Variants in NCKAP5 observed in about 807,000 individuals in gnomAD.
The protein encoded by NCKAP5 is NCK associated protein 5.
In NCKAP5, 92 loss-of-function variants were observed where a neutral mutation model predicts 167.0. That is an observed-to-expected ratio of 0.55 (90% CI 0.47 to 0.66). The LOEUF (loss-of-function observed/expected upper bound fraction) is 0.66, where lower values mean the gene tolerates loss of function less well. Among genes scored for constraint, NCKAP5 ranks in the 30% least tolerant of loss-of-function variants. NCKAP5 has a pLI of 0.00. For missense variants in NCKAP5, 2,378 were observed against 2,315.0 expected, an observed-to-expected ratio of 1.03 and a Z score of -0.56; for synonymous variants, 891 against 877.4, an observed-to-expected ratio of 1.02 and a Z score of -0.27.
rs559384573 is a variant in NCKAP5 at position 133,261,735 on chromosome 2, C to A, written c.143+41302G>T. ...CTCATGAACTGACCTGTTTGTATCT[C>A]AAGGAAAGAATAGGTATCATCTTCC... On this transcript the variant is annotated intron_variant, in intron 4 of 19. Transcript: ENST00000409261. Among the ~76,000 whole-genome samples the A allele has an allele frequency of 2.0e-5, 3 of 152,298 alleles. No homozygotes were observed. The South Asian group carries it at 6.2e-4, about 32-fold the overall frequency.
intron 6 of NCKAP5, among the ~76,000 whole-genome samples, chr2:133,065,352 C>A (rs554778218): frequency 9.2e-5 from 14 of 152,192 alleles, no homozygotes; most frequent in Non-Finnish European, 1.3e-4. Context: ...GTTGGCCAGG[C>A]ATGGTGGCTT....
intron 11 of NCKAP5, among the ~76,000 whole-genome samples, chr2:132,806,061 A>G (rs1386836240): frequency 6.6e-6 from 1 of 152,138 alleles, no homozygotes; most frequent in African/African-American, 2.4e-5. Context: ...TTCATTTATA[A>G]TAACAGTCTC....
chr2:133,379,912 C>A (rs529281557), intron 3 of NCKAP5, among the ~76,000 whole-genome samples: 1 of 151,954 alleles, frequency 6.6e-6, no homozygotes, highest in African/African-American at 2.4e-5. Context: ...CCAGTGCAAC[C>A]GAAATACCAG....
intron 8 of NCKAP5, among the ~76,000 whole-genome samples, chr2:132,898,699 A>G (rs995559767): frequency 6.6e-6 from 1 of 152,256 alleles, no homozygotes; most frequent in African/African-American, 2.4e-5. Context: ...GAGCTCTTGG[A>G]TGGCAAGGTA....
chr2:133,591,273 C>T, the NCKAP5 span, among the ~76,000 whole-genome samples: 15 of 152,184 alleles, frequency 9.9e-5, no homozygotes, highest in Admixed American at 2.6e-4. Flanking sequence ...TGAAGTTGGG[C>T]CCATAAAGAA....
chr2:133,370,352 T>C (rs540033178), intron 3 of NCKAP5, among the ~76,000 whole-genome samples: 30 of 152,180 alleles, frequency 2.0e-4, no homozygotes, highest in Non-Finnish European at 3.7e-4. Context: ...TGAGTCTTCA[T>C]GTAAAAGTGG....
chr2:132,737,371 CA>C (rs1691624792), intron 16 of NCKAP5, among the ~76,000 whole-genome samples: 1 of 152,156 alleles, frequency 6.6e-6, no homozygotes, highest in African/African-American at 2.4e-5. Flanking sequence ...GGACTTTCTA[CA>C]AGGCTCTCCT....
intron 3 of NCKAP5, among the ~76,000 whole-genome samples, chr2:133,326,664 A>G (rs1682475626): frequency 1.3e-5 from 2 of 152,050 alleles, no homozygotes; most frequent in Non-Finnish European, 2.9e-5. Context: ...AAAGACTCCT[A>G]TCATTCCATA....
At chr2:133,331,169 T>C (rs1212506548) in intron 3 of NCKAP5, among the ~76,000 whole-genome samples, 2 of 152,212 alleles carry the variant, frequency 1.3e-5, no homozygotes, top group South Asian at 2.1e-4. Flanking sequence ...ATTCTTGTGC[T>C]GTGCTGATTA....
At chr2:133,193,526 C>G (rs1394956592) in intron 5 of NCKAP5, among the ~76,000 whole-genome samples, 1 of 152,034 alleles carries the variant, frequency 6.6e-6, no homozygotes, top group East Asian at 1.9e-4. Context: ...CAAGAAGACA[C>G]TTTCACTTTT....
intron 4 of NCKAP5, among the ~76,000 whole-genome samples, chr2:133,252,513 G>A (rs2088397089): frequency 2.0e-5 from 3 of 152,206 alleles, no homozygotes; most frequent in Non-Finnish European, 4.4e-5. Context: ...CAGCAGCACA[G>A]GGACTGTCAG....
intron 6 of NCKAP5, among the ~76,000 whole-genome samples, chr2:133,113,621 C>T (rs1366243434): frequency 1.3e-5 from 2 of 152,206 alleles, no homozygotes; most frequent in Non-Finnish European, 2.9e-5. Flanking sequence ...CTCCCCTCTG[C>T]CTCATGATGT....
intron 3 of NCKAP5, among the ~76,000 whole-genome samples, chr2:133,349,178 C>A (rs941642122): frequency 6.6e-6 from 1 of 152,224 alleles, no homozygotes; most frequent in South Asian, 2.1e-4. Flanking sequence ...TATATTCCCC[C>A]ATTCTGTAGC....
chr2:133,291,228 T>C (rs1454256671), intron 4 of NCKAP5, among the ~76,000 whole-genome samples: 1 of 152,184 alleles, frequency 6.6e-6, no homozygotes, highest in Non-Finnish European at 1.5e-5. Context: ...TGGGAAGACT[T>C]GGTCTTACAG....
chr2:132,909,008 C>T (rs889374268), intron 8 of NCKAP5, among the ~76,000 whole-genome samples: 2 of 152,158 alleles, frequency 1.3e-5, no homozygotes, highest in African/African-American at 4.8e-5. Context: ...GTGTGATCAA[C>T]TTATGGCAAT....
rs552424347 is a variant in NCKAP5, at chr2:133,176,792, GC to G, written c.207+36923del. 1.3e-3 allele frequency among the ~76,000 whole-genome samples: 204 copies of G among 152,162 alleles called. 2 individuals are homozygous for G. The highest frequency in any genetic ancestry group is 6.8e-3 in the Middle Eastern group (2 of 292). On this transcript the variant is annotated intron_variant, in intron 5 of 19. Transcript: ENST00000409261. ...ACTTTTTAAAAAATCTATAAACAAT[GC>G]CCAGTTTCAGTGTGGTTACAGTCTC...
At chr2:133,601,424 C>T in the NCKAP5 span, among the ~76,000 whole-genome samples, 1 of 152,176 alleles carries the variant, frequency 6.6e-6, no homozygotes, top group African/African-American at 2.4e-5. Context: ...ACACTGGTAA[C>T]CCAATTTTTT....
intron 3 of NCKAP5, among the ~76,000 whole-genome samples, chr2:133,352,219 A>G (rs943921770): frequency 1.3e-5 from 2 of 152,010 alleles, no homozygotes; most frequent in African/African-American, 4.8e-5. Context: ...CATAACTTTC[A>G]TTACCTTCTA....
At chr2:133,492,560 G>T (rs560606704) in intron 3 of NCKAP5, among the ~76,000 whole-genome samples, 63 of 152,216 alleles carry the variant, frequency 4.1e-4, no homozygotes, top group African/African-American at 1.2e-3. Context: ...TCCCTTCTAG[G>T]TTCTGTCTCT....
Sources: allele counts gnomAD v4.1 joint callset (sites outside exome capture counted in the v4.1 genomes callset), GRCh38; gene constraint gnomAD v4.1.1; transcripts MANE v1.5; gene names NCBI Gene and HGNC (gene_info 2026-07-23, HGNC 2026-07-21).